The following ADAMTSL1 variants were observed in gnomAD, a reference collection of about 807,000 sequenced individuals.
ADAMTSL1 encodes the protein ADAMTS-like protein 1.
ADAMTSL1 carries 126 observed loss-of-function variants against 201.8 expected under a neutral mutation model. That is an observed-to-expected ratio of 0.62 (90% CI 0.54 to 0.72). The LOEUF (loss-of-function observed/expected upper bound fraction) is 0.72, where lower values mean the gene tolerates loss of function less well. ADAMTSL1 is among the 30% of genes least tolerant of loss of function. ADAMTSL1 has a pLI of 0.00. For synonymous variants in ADAMTSL1, 1,121 were observed against 903.4 expected, an observed-to-expected ratio of 1.24 and a Z score of -4.32; for missense variants, 2,679 against 2,277.8, an observed-to-expected ratio of 1.18 and a Z score of -3.59.
chr9:18,044,837 T>G (rs1178009128), intron 1 of ADAMTSL1, among the ~76,000 whole-genome samples: 1 of 152,186 alleles, frequency 6.6e-6, no homozygotes, highest in South Asian at 2.1e-4. Context: ...TACTGGTGTA[T>G]AGGTCTTTTC....
rs1833058496 is a variant in ADAMTSL1 at position 18,717,949 on chromosome 9, C to T, written c.1877-3587C>T. The T allele has an allele frequency of 8.5e-6, 12 of 1,408,168 alleles. No homozygotes were observed. In the South Asian group the frequency reaches 1.0e-4, roughly 12 times the overall value. The allele number at this position is 1,408,168 out of a possible 1,614,324, so 87.2% of individuals were successfully genotyped here. On this transcript the variant is annotated intron_variant, in intron 14 of 28. Coordinates refer to ENST00000380548, the MANE Select transcript of ADAMTSL1 (RefSeq NM_001040272.6). ...GGACAACAGTTCTTCAGAGCTGACTCAGAGCTGCAATGCACTTAGTACATT... is the reference window on the plus strand; with the variant it reads ...GGACAACAGTTCTTCAGAGCTGACTTAGAGCTGCAATGCACTTAGTACATT...
intron 2 of ADAMTSL1, among the ~76,000 whole-genome samples, chr9:18,194,940 A>G (rs571534618): frequency 1.2e-4 from 18 of 152,244 alleles, no homozygotes; most frequent in African/African-American, 3.6e-4. Flanking sequence ...AGAAGTTATT[A>G]GCTTCTCCAA....
At chr9:18,506,438 C>A (rs904862817) in intron 2 of ADAMTSL1, among the ~76,000 whole-genome samples, 8 of 152,064 alleles carry the variant, frequency 5.3e-5, no homozygotes, top group African/African-American at 1.9e-4. Context: ...TGATAAGAAA[C>A]AAAGGGGAAT....
chr9:18,615,650 G>A (rs1380522073), intron 4 of ADAMTSL1, among the ~76,000 whole-genome samples: 1 of 152,164 alleles, frequency 6.6e-6, no homozygotes, highest in Admixed American at 6.5e-5. Flanking sequence ...GAACCTCAGT[G>A]TTATAATCTG....
At chr9:18,781,103 C>G (rs1417289793) in intron 19 of ADAMTSL1, among the ~76,000 whole-genome samples, 2 of 152,216 alleles carry the variant, frequency 1.3e-5, no homozygotes, top group South Asian at 2.1e-4. Context: ...GAGTCTAACT[C>G]CAATGGCTTT....
chr9:18,038,277 T>A lies in ADAMTSL1; in HGVS notation c.88-125585T>A, dbSNP rs564745166. Among the ~76,000 whole-genome samples, 313 of 152,276 alleles carry A rather than the reference T, an allele frequency of 2.1e-3. 1 individual carries two copies. Among genetic ancestry groups the A allele is most frequent in the Admixed American group, 4.9e-3 (75 of 15,282 alleles). On this transcript the variant is annotated intron_variant, in intron 1 of 29. Coordinates refer to the ADAMTSL1 transcript ENST00000680146. ...GCTTGGGAACATTTCCAAGTGGCAT[T>A]TTTGGCTGTTGCCCCTCTCTGGGCC...
intron 1 of ADAMTSL1, among the ~76,000 whole-genome samples, chr9:18,053,581 T>C (rs1456152968): frequency 6.6e-6 from 1 of 152,260 alleles, no homozygotes; most frequent in Non-Finnish European, 1.5e-5. Flanking sequence ...CTTGTCTCAG[T>C]CTGAATACAT....
rs936256744 is a variant in ADAMTSL1 at position 18,033,008 on chromosome 9, G to A, written c.87+126086G>A. ...ATGTAATCGTTTACTTGATATTTTGGTTTCTCTCTGTGGGACAGGCACCTC... is the reference window on the plus strand; with the variant it reads ...ATGTAATCGTTTACTTGATATTTTGATTTCTCTCTGTGGGACAGGCACCTC... On this transcript the variant is annotated intron_variant, in intron 1 of 29. Coordinates refer to the ADAMTSL1 transcript ENST00000680146. 3.9e-5 allele frequency among the ~76,000 whole-genome samples: 6 copies of A among 152,014 alleles called. No individual in the cohort carries two copies. In the East Asian group the frequency reaches 1.2e-3, roughly 29 times the overall value.
At chr9:18,131,643 C>G (rs1825957956) in intron 1 of ADAMTSL1, among the ~76,000 whole-genome samples, 1 of 152,134 alleles carries the variant, frequency 6.6e-6, no homozygotes, top group Non-Finnish European at 1.5e-5. Flanking sequence ...CCCTCATAAG[C>G]TCTTGATTGT....
intron 2 of ADAMTSL1, among the ~76,000 whole-genome samples, chr9:18,287,455 A>G (rs557289344): frequency 1.3e-5 from 2 of 151,740 alleles, no homozygotes; most frequent in African/African-American, 2.4e-5. Context: ...TGTGTATTTT[A>G]CACATATATG....
intron 2 of ADAMTSL1, among the ~76,000 whole-genome samples, chr9:18,391,967 G>A (rs982441928): frequency 1.3e-5 from 2 of 151,636 alleles, no homozygotes; most frequent in African/African-American, 4.8e-5. Flanking sequence ...TGGGACTACA[G>A]GTGCCCGCCA....
At chr9:17,976,363 A>G (rs542161883) in intron 1 of ADAMTSL1, among the ~76,000 whole-genome samples, 18 of 151,774 alleles carry the variant, frequency 1.2e-4, no homozygotes, top group Non-Finnish European at 2.1e-4. Flanking sequence ...TGAACATGGG[A>G]TATCTTTCCA....
chr9:18,684,838 C>CT, intron 13 of ADAMTSL1, 38 bp downstream of exon 13: 1 of 1,577,080 alleles, frequency 6.3e-7, no homozygotes, highest in Non-Finnish European at 8.6e-7. Context: ...ATATTTGAAA[C>CT]TGTTTTGTTT....
intron 19 of ADAMTSL1, among the ~76,000 whole-genome samples, chr9:18,786,686 A>G (rs1821726709): frequency 1.3e-5 from 2 of 152,170 alleles, no homozygotes; most frequent in South Asian, 4.1e-4. Context: ...CTCTTATTTG[A>G]GGAACATCTA....
chr9:17,936,590 G>A (rs1243129900), intron 1 of ADAMTSL1, among the ~76,000 whole-genome samples: 3 of 152,164 alleles, frequency 2.0e-5, no homozygotes, highest in Non-Finnish European at 4.4e-5. Context: ...TGCCGCTCAG[G>A]CCATAAATAC....
intron 4 of ADAMTSL1, among the ~76,000 whole-genome samples, chr9:18,608,454 G>T (rs548618326): frequency 8.5e-5 from 13 of 152,206 alleles, no homozygotes; most frequent in African/African-American, 2.6e-4. Flanking sequence ...GCATGTGAGT[G>T]GGGGGTTAGT....
At chr9:17,994,298 A>G (rs1387096104) in intron 1 of ADAMTSL1, among the ~76,000 whole-genome samples, 1 of 152,162 alleles carries the variant, frequency 6.6e-6, no homozygotes, top group African/African-American at 2.4e-5. Flanking sequence ...TTTGTGGAGT[A>G]TCTGTCTCAA....
chr9:17,926,745 G>C (rs1261668200), intron 1 of ADAMTSL1, among the ~76,000 whole-genome samples: 1 of 152,080 alleles, frequency 6.6e-6, no homozygotes. Flanking sequence ...CCACCAATGA[G>C]CTTTTCCAAG....
At chr9:17,957,770 A>T (rs1002913615) in intron 1 of ADAMTSL1, among the ~76,000 whole-genome samples, 9 of 152,294 alleles carry the variant, frequency 5.9e-5, no homozygotes, top group Non-Finnish European at 1.2e-4. Flanking sequence ...TGAGATGCAG[A>T]GAAGGCTGTG....
Sources: allele counts gnomAD v4.1 joint callset (sites outside exome capture counted in the v4.1 genomes callset), GRCh38; gene constraint gnomAD v4.1.1; transcripts MANE v1.5; gene names NCBI Gene and HGNC (gene_info 2026-07-23, HGNC 2026-07-21).